The following ALK variants were observed in gnomAD, a reference collection of about 807,000 sequenced individuals.
ALK encodes the protein ALK tyrosine kinase receptor.
In ALK, 74 loss-of-function variants were observed where a neutral mutation model predicts 163.1. The ratio of observed to expected loss-of-function variants is 0.45; its 90% CI spans 0.38 to 0.55. The LOEUF is 0.55. Ranked by LOEUF, ALK falls within the 20% of genes least tolerant of loss-of-function variation. The pLI, the probability that ALK is intolerant of heterozygous loss-of-function variation, is 0.00. For missense variants in ALK, 2,063 were observed against 2,105.3 expected, an observed-to-expected ratio of 0.98 and a Z score of 0.39; for synonymous variants, 960 against 843.2, an observed-to-expected ratio of 1.14 and a Z score of -2.40.
intron 23 of ALK, among the ~76,000 whole-genome samples, chr2:29,218,185 G>A (rs55840640): frequency 1.2e-3 from 176 of 152,334 alleles, no homozygotes; most frequent in African/African-American, 4.0e-3. Context: ...GTGGGTGTAT[G>A]GGAGGCGGGG....
At chr2:29,204,803 A>C (rs1360707859) in intron 26 of ALK, among the ~76,000 whole-genome samples, 1 of 152,176 alleles carries the variant, frequency 6.6e-6, no homozygotes, top group Non-Finnish European at 1.5e-5. Context: ...TGGCAAGGCT[A>C]GTCTCGAACT....
At chr2:29,642,885 G>A (rs1387960648) in intron 3 of ALK, among the ~76,000 whole-genome samples, 1 of 152,096 alleles carries the variant, frequency 6.6e-6, no homozygotes, top group Non-Finnish European at 1.5e-5. Flanking sequence ...CTATCATTTA[G>A]TCATTTATTC....
At chr2:29,369,320 G>GTC (rs1227175208) in intron 5 of ALK, among the ~76,000 whole-genome samples, 1 of 150,960 alleles carries the variant, frequency 6.6e-6, no homozygotes, top group African/African-American at 2.4e-5. Flanking sequence ...GTGTGTGTGT[G>GTC]TGTGTGTGTG....
intron 3 of ALK, among the ~76,000 whole-genome samples, chr2:29,570,737 T>C (rs998905970): frequency 1.3e-5 from 2 of 152,112 alleles, no homozygotes; most frequent in Admixed American, 1.3e-4. Flanking sequence ...TGGTCAGGAG[T>C]GATTTTGATG....
intron 1 of ALK, among the ~76,000 whole-genome samples, chr2:29,827,226 C>A (rs893883168): frequency 6.6e-6 from 1 of 152,180 alleles, no homozygotes; most frequent in African/African-American, 2.4e-5. Flanking sequence ...AATATCAGAG[C>A]TGGAAGTGAA....
chr2:29,349,955 A>C (rs1472420445), intron 5 of ALK, among the ~76,000 whole-genome samples: 2 of 152,214 alleles, frequency 1.3e-5, no homozygotes, highest in African/African-American at 2.4e-5. Flanking sequence ...GGAATCACTG[A>C]AACAGGAATG....
intron 4 of ALK, among the ~76,000 whole-genome samples, chr2:29,448,637 G>A (rs1202261955): frequency 2.0e-5 from 3 of 152,120 alleles, no homozygotes; most frequent in Admixed American, 6.5e-5. Context: ...TCAATCCACC[G>A]TTCCCACCAA....
intron 4 of ALK, among the ~76,000 whole-genome samples, chr2:29,436,927 G>C (rs890795167): frequency 8.5e-5 from 13 of 152,166 alleles, no homozygotes; most frequent in African/African-American, 2.7e-4. Flanking sequence ...AGATCTGTAT[G>C]ACATGGAACT....
At chr2:29,910,455 T>A (rs746562167) in intron 1 of ALK, among the ~76,000 whole-genome samples, 1 of 152,136 alleles carries the variant, frequency 6.6e-6, no homozygotes, top group Non-Finnish European at 1.5e-5. Flanking sequence ...TTTAAAAATT[T>A]CCAAATGTGA....
chr2:29,733,070 TA>T (rs1430467482), intron 1 of ALK, among the ~76,000 whole-genome samples: 3 of 151,802 alleles, frequency 2.0e-5, no homozygotes, highest in Non-Finnish European at 4.4e-5. Context: ...GGCTAGGAAA[TA>T]AGTAGAAGGA....
At chr2:29,797,026 A>ACG (rs1664334559) in intron 1 of ALK, among the ~76,000 whole-genome samples, 1 of 151,764 alleles carries the variant, frequency 6.6e-6, no homozygotes, top group Admixed American at 6.6e-5. Flanking sequence ...ACACACACAC[A>ACG]CATACACACA....
chr2:29,474,914 G>A (rs747960784), intron 4 of ALK, among the ~76,000 whole-genome samples: 17 of 152,140 alleles, frequency 1.1e-4, no homozygotes, highest in Admixed American at 5.9e-4. Flanking sequence ...TTTGCTGGAC[G>A]GGGCCTGGCT....
intron 4 of ALK, among the ~76,000 whole-genome samples, chr2:29,495,386 G>A (rs562906374): frequency 3.3e-5 from 5 of 152,160 alleles, no homozygotes; most frequent in Admixed American, 6.5e-5. Context: ...GTATGTTCCC[G>A]AGTCAAGGTC....
intron 4 of ALK, among the ~76,000 whole-genome samples, chr2:29,429,614 T>A (rs1224762167): frequency 2.6e-5 from 4 of 151,994 alleles, no homozygotes; most frequent in Admixed American, 6.6e-5. Flanking sequence ...ATCCCAGACA[T>A]GGAGCAGAAG....
rs1558626615 is a variant in ALK at position 29,227,699 on chromosome 2, A to T, written c.2816-27T>A. 6.3e-7 allele frequency: 1 copy of T among 1,596,566 alleles called. No homozygotes were observed. Among genetic ancestry groups the T allele is most frequent in the Non-Finnish European group, 8.6e-7 (1 of 1,164,814 alleles). ...TGAGTAGCAAACCAGAGCAGAGTTT[A>T]ACATGGGGGGTGGGTGCCAAAATCT... On this transcript the variant is annotated intron_variant, in intron 16 of 28. Coordinates refer to ENST00000389048, the MANE Select transcript of ALK (RefSeq NM_004304.5). This position sits in a 1 kb window ranked among gnomAD's most constrained non-coding sequence, Gnocchi z 4.4.
chr2:29,860,553 AT>A (rs1666253925), intron 1 of ALK, among the ~76,000 whole-genome samples: 1 of 152,222 alleles, frequency 6.6e-6, no homozygotes, highest in African/African-American at 2.4e-5. Flanking sequence ...TACACAGAAT[AT>A]TCCACCTAAC....
In ALK at chr2:29,696,503, G is replaced by A. The variant is rs534897553; in HGVS notation, c.788-1489C>T. ...ACCTATGTAACAAACCTGCATGTTCGCACATGTATCCAAGAACTTAAAGGA... is the reference window on the plus strand; with the variant it reads ...ACCTATGTAACAAACCTGCATGTTCACACATGTATCCAAGAACTTAAAGGA... On this transcript the variant is annotated intron_variant, in intron 2 of 28. Transcript: ENST00000389048. Among the ~76,000 whole-genome samples the A allele has an allele frequency of 9.1e-5, 12 of 132,330 alleles. No individual in the cohort carries two copies. In the South Asian group the frequency reaches 1.7e-3, roughly 19 times the overall value. The allele number at this position is 132,330 out of a possible 152,430, so 86.8% of individuals were successfully genotyped here.
rs116023479 is a variant in ALK at position 29,552,597 on chromosome 2, A to G, written c.953-20481T>C. ...GGTTGATTTGATATGCATTTCCCTA[A>G]TGACTAATGATGTTGAGCATATTTT... On this transcript the variant is annotated intron_variant, in intron 3 of 28. Transcript: ENST00000389048. 9.2e-4 allele frequency among the ~76,000 whole-genome samples: 140 copies of G among 152,276 alleles called. 1 individual carries two copies. Among genetic ancestry groups the G allele is most frequent in the African/African-American group, 3.3e-3 (136 of 41,548 alleles).
intron 3 of ALK, among the ~76,000 whole-genome samples, chr2:29,604,575 G>A (rs1408604512): frequency 1.3e-5 from 2 of 152,172 alleles, no homozygotes; most frequent in Non-Finnish European, 2.9e-5. Flanking sequence ...TGGGATAAAA[G>A]ATGCTTTGTT....
Sources: gnomAD v4.1 joint callset for allele counts (sites outside exome capture counted in the v4.1 genomes callset) on GRCh38, gnomAD v4.1.1 for gene constraint, Gnocchi (gnomAD v3.1) non-coding constraint, MANE v1.5 for transcripts, NCBI Gene and HGNC (gene_info 2026-07-23, HGNC 2026-07-21) for gene names.